The following FAXC variants were observed in gnomAD, a reference collection of about 807,000 sequenced individuals.
The protein encoded by FAXC is failed axon connections homolog, metaxin like GST domain containing.
FAXC carries 10 observed loss-of-function variants against 41.9 expected under a neutral mutation model. That is an observed-to-expected ratio of 0.24 (90% CI 0.15 to 0.41). FAXC has a LOEUF of 0.41. Among genes scored for constraint, FAXC ranks in the 10% least tolerant of loss-of-function variants. The pLI is 1.00. For missense variants in FAXC, 399 were observed against 510.9 expected (o/e 0.78, Z 2.11); for synonymous variants, 183 against 183.8 (o/e 1.00, Z 0.03).
intron 3 of FAXC, among the ~76,000 whole-genome samples, chr6:99,329,687 A>T (rs1772961269): frequency 6.6e-6 from 1 of 152,116 alleles, no homozygotes; most frequent in African/African-American, 2.4e-5. Context: ...GAACATATGA[A>T]CAAAGTTATA....
In FAXC at chr6:99,289,723, A is replaced by G. The variant is rs530946465; in HGVS notation, c.940+1981T>C. Among the ~76,000 whole-genome samples the G allele has an allele frequency of 1.2e-3, 183 of 151,368 alleles. 1 individual carries two copies. Among genetic ancestry groups the G allele is most frequent in the African/African-American group, 4.0e-3 (165 of 41,138 alleles). On this transcript the variant is annotated intron_variant, in intron 5 of 5. Transcript: ENST00000389677. Reference sequence around the variant, plus strand: ...TGTGTGTGTGTGTGTGTGTGTGTATATATATATATAGTCCAAAATGCACTT... The same window carrying G: ...TGTGTGTGTGTGTGTGTGTGTGTATGTATATATATAGTCCAAAATGCACTT...
Position 99,274,516 on chromosome 6 carries a change from T to G in FAXC, c.*6648A>C, listed in dbSNP as rs1425976422. The G allele has an allele frequency of 6.6e-6, 1 of 152,202 alleles. No homozygotes were observed. Among genetic ancestry groups the G allele is most frequent in the African/African-American group, 2.4e-5 (1 of 41,448 alleles). The allele number at this position is 152,202 out of a possible 1,614,324, so 9.4% of individuals were successfully genotyped here. ...GACTCAGACCCTCAGTTTTCCAAAC[T>G]TCACCATGGAAAAACCATCGCTGTC... On this transcript the variant is annotated 3_prime_UTR_variant, in exon 6 of 6. Coordinates refer to ENST00000389677, the MANE Select transcript of FAXC (RefSeq NM_032511.4).
intron 4 of FAXC, among the ~76,000 whole-genome samples, chr6:99,295,382 G>A (rs1487676438): frequency 6.6e-6 from 1 of 152,186 alleles, no homozygotes; most frequent in Non-Finnish European, 1.5e-5. Context: ...TGTCTGTGTG[G>A]GTGTTTCTGG....
Position 99,318,302 on chromosome 6 carries a change from C to CAAAAAAAA in FAXC, c.823+5141_823+5142insTTTTTTTT, listed in dbSNP as rs1328926883. Among the ~76,000 whole-genome samples the CAAAAAAAA allele has an allele frequency of 7.6e-5, 8 of 104,632 alleles. No homozygotes were observed. In the East Asian group the frequency reaches 1.6e-3, roughly 21 times the overall value. 68.6% of individuals were successfully genotyped at this position (104,632 alleles called of 152,430 possible). ...ACACACACACACACACACACACACA[C>CAAAAAAAA]ACACAAAATAGAAGAAATGGAAAAT... is the stretch of plus-strand genomic sequence containing the variant. On this transcript the variant is annotated intron_variant, in intron 4 of 5. Transcript: ENST00000389677.
chr6:99,329,144 A>T (rs1772935092), intron 3 of FAXC, among the ~76,000 whole-genome samples: 2 of 152,254 alleles, frequency 1.3e-5, no homozygotes, highest in Admixed American at 1.3e-4. Flanking sequence ...GAAAGCTGAC[A>T]AGGCTAAGCA....
chr6:99,326,345 G>C (rs1344321773), intron 3 of FAXC, among the ~76,000 whole-genome samples: 2 of 152,174 alleles, frequency 1.3e-5, no homozygotes, highest in African/African-American at 4.8e-5. Flanking sequence ...AGAAGAAAAA[G>C]AGTCTACTGG....
At chr6:99,307,481 T>A (rs1433438387) in intron 4 of FAXC, among the ~76,000 whole-genome samples, 1 of 152,078 alleles carries the variant, frequency 6.6e-6, no homozygotes, top group Admixed American at 6.5e-5. Context: ...GTGGCTTCCA[T>A]GACTGAGCTC....
rs1770637635 is a variant in FAXC at position 99,276,666 on chromosome 6, T to C, written c.*4498A>G. 1 of 152,190 alleles carries C rather than the reference T, an allele frequency of 6.6e-6. No homozygotes were observed. Among genetic ancestry groups the C allele is most frequent in the African/African-American group, 2.4e-5 (1 of 41,446 alleles). 9.4% of individuals were successfully genotyped at this position (152,190 alleles called of 1,614,324 possible). ...GTGTTAAAAACAAGAACAAACACAA[T>C]GATAACATTTAAAGACTCTTGGGAA... is the stretch of plus-strand genomic sequence containing the variant. On this transcript the variant is annotated 3_prime_UTR_variant, in exon 6 of 6. Coordinates refer to ENST00000389677, the MANE Select transcript of FAXC (RefSeq NM_032511.4).
chr6:99,276,754 T>C lies in FAXC; in HGVS notation c.*4410A>G, dbSNP rs1291400894. 6.6e-6 allele frequency: 1 copy of C among 152,244 alleles called. No homozygotes were observed. Among genetic ancestry groups the C allele is most frequent in the African/African-American group, 2.4e-5 (1 of 41,468 alleles). 9.4% of individuals were successfully genotyped at this position (152,244 alleles called of 1,614,324 possible). A position where few individuals can be genotyped will look rare whatever the true frequency, so the allele number is the denominator to read the frequency against. On this transcript the variant is annotated 3_prime_UTR_variant, in exon 6 of 6. Transcript: ENST00000389677. The stretch of plus-strand genomic sequence containing the variant: ...AAACCATGGATAATTTCAGGAGGTC[T>C]CTAAATTTCCTGAATTTATATGTAA...
intron 3 of FAXC, among the ~76,000 whole-genome samples, chr6:99,329,684 T>A (rs1772960861): frequency 6.6e-6 from 1 of 152,024 alleles, no homozygotes; most frequent in Non-Finnish European, 1.5e-5. Context: ...GGAGAACATA[T>A]GAACAAAGTT....
chr6:99,338,801 A>G (rs907122237), intron 2 of FAXC, among the ~76,000 whole-genome samples: 1 of 152,114 alleles, frequency 6.6e-6, no homozygotes, highest in East Asian at 1.9e-4. Context: ...TGTTTCTTCC[A>G]TTGCTGTCTT....
rs1770603252 is a variant in FAXC at position 99,276,139 on chromosome 6, AC to A, written c.*5024del. On this transcript the variant is annotated 3_prime_UTR_variant, in exon 6 of 6. Coordinates refer to ENST00000389677, the MANE Select transcript of FAXC (RefSeq NM_032511.4). The stretch of plus-strand genomic sequence containing the variant: ...ATAGTCAGGAACAATAAAATAACAT[AC>A]TCTGTTTAAAAAAAAAAAAAACCCT... 1 of 141,530 alleles carries A rather than the reference AC, an allele frequency of 7.1e-6. No homozygotes were observed. Among genetic ancestry groups the A allele is most frequent in the African/African-American group, 2.7e-5 (1 of 36,738 alleles). The allele number at this position is 141,530 out of a possible 1,614,324, so 8.8% of individuals were successfully genotyped here. A position where few individuals can be genotyped will look rare whatever the true frequency, so the allele number is the denominator to read the frequency against.
Position 99,276,169 on chromosome 6 carries a change from A to C in FAXC, c.*4995T>G, listed in dbSNP as rs531092968. On this transcript the variant is annotated 3_prime_UTR_variant, in exon 6 of 6. Transcript: ENST00000389677. ...GTTTAAAAAAAAAAAAAACCCTAAA[A>C]GAAAGAAAGAAGAATAACCTGAGTT... The C allele has an allele frequency of 6.6e-6, 1 of 152,116 alleles. No individual in the cohort carries two copies. The highest frequency in any genetic ancestry group is 2.1e-4 in the South Asian group (1 of 4,822). 9.4% of individuals were successfully genotyped at this position (152,116 alleles called of 1,614,324 possible).
At chr6:99,348,436 G>T (rs908009663) in intron 1 of FAXC, among the ~76,000 whole-genome samples, 3 of 152,184 alleles carry the variant, frequency 2.0e-5, no homozygotes, top group Admixed American at 2.0e-4. Context: ...GGCAGCGGAT[G>T]CAACTGTTTA....
chr6:99,274,159 T>C lies in FAXC; in HGVS notation c.*7005A>G, dbSNP rs1465593043. The C allele has an allele frequency of 6.6e-6, 1 of 152,186 alleles. No homozygotes were observed. The highest frequency in any genetic ancestry group is 1.5e-5 in the Non-Finnish European group (1 of 68,032). 9.4% of individuals were successfully genotyped at this position (152,186 alleles called of 1,614,324 possible). The stretch of plus-strand genomic sequence containing the variant: ...GAGTAAATGTATCAGGGCCAGACCC[T>C]CTAAGCTGCTATCTAAGGTCCCAGG... On this transcript the variant is annotated 3_prime_UTR_variant, in exon 6 of 6. Transcript: ENST00000389677.
At chr6:99,344,740 T>C (rs538739012) in intron 1 of FAXC, among the ~76,000 whole-genome samples, 5 of 152,356 alleles carry the variant, frequency 3.3e-5, no homozygotes, top group African/African-American at 7.2e-5. Flanking sequence ...GACAATTAAC[T>C]GATTTTGTCC....
rs965488605 is a variant in FAXC at position 99,274,883 on chromosome 6, G to A, written c.*6281C>T. 2.6e-5 allele frequency: 4 copies of A among 152,186 alleles called. No homozygotes were observed. The highest frequency in any genetic ancestry group is 9.6e-5 in the African/African-American group (4 of 41,452). The allele number at this position is 152,186 out of a possible 1,614,324, so 9.4% of individuals were successfully genotyped here. A position where few individuals can be genotyped will look rare whatever the true frequency, so the allele number is the denominator to read the frequency against. Reference sequence around the variant, plus strand: ...TTTCTGATTCTGAACAATGGAAGAGGAAAGTCATTGATTATTTTTTAAAGA... The same window carrying A: ...TTTCTGATTCTGAACAATGGAAGAGAAAAGTCATTGATTATTTTTTAAAGA... On this transcript the variant is annotated 3_prime_UTR_variant, in exon 6 of 6. Coordinates refer to ENST00000389677, the MANE Select transcript of FAXC (RefSeq NM_032511.4).
At chr6:99,348,613 T>C (rs1328560896) in intron 1 of FAXC, among the ~76,000 whole-genome samples, 1 of 152,202 alleles carries the variant, frequency 6.6e-6, no homozygotes, top group Non-Finnish European at 1.5e-5. Flanking sequence ...CTACACTTGG[T>C]CATGCATCTT....
intron 4 of FAXC, among the ~76,000 whole-genome samples, chr6:99,315,390 A>G (rs6913076): frequency 0.75 from 113,702 of 151,848 alleles, 42,967 homozygotes; most frequent in Middle Eastern, 0.92. Flanking sequence ...ACCCCTCACA[A>G]GTGCTGAGAT....
Sources: gnomAD v4.1 joint callset for allele counts (sites outside exome capture counted in the v4.1 genomes callset) on GRCh38, gnomAD v4.1.1 for gene constraint, MANE v1.5 for transcripts, NCBI Gene and HGNC (gene_info 2026-07-23, HGNC 2026-07-21) for gene names.